The following TACC1 variants were observed in gnomAD, a reference collection of about 807,000 sequenced individuals.
TACC1 encodes the protein transforming acidic coiled-coil-containing protein 1.
In TACC1, 48 loss-of-function variants were observed where a neutral mutation model predicts 84.4. The ratio of observed to expected loss-of-function variants is 0.57; its 90% CI spans 0.45 to 0.72. The LOEUF is 0.72. TACC1 is among the 30% of genes least tolerant of loss of function. The pLI is 0.00. For synonymous variants in TACC1, 372 were observed against 376.3 expected, an observed-to-expected ratio of 0.99 and a Z score of 0.13; for missense variants, 920 against 973.0, an observed-to-expected ratio of 0.95 and a Z score of 0.72.
intron 3 of TACC1, among the ~76,000 whole-genome samples, chr8:38,770,679 G>A (rs1038056515): frequency 1.3e-5 from 2 of 152,142 alleles, no homozygotes; most frequent in Admixed American, 1.3e-4. Flanking sequence ...ATTAAAGTGT[G>A]GCGGGCTGGA....
At chr8:38,827,506 T>A in intron 5 of TACC1, 131 bp downstream of exon 5, 1 of 904,168 alleles carries the variant, frequency 1.1e-6, no homozygotes, top group Non-Finnish European at 1.7e-6. Flanking sequence ...GATGCTGACC[T>A]ATGCTTTGCT....
At chr8:38,795,683 C>G (rs1819806401) in intron 2 of TACC1, among the ~76,000 whole-genome samples, 1 of 152,142 alleles carries the variant, frequency 6.6e-6, no homozygotes, top group Non-Finnish European at 1.5e-5. Flanking sequence ...AATGGTTTAT[C>G]CACCCAAAAC....
intron 2 of TACC1, among the ~76,000 whole-genome samples, chr8:38,793,253 G>GC (rs1418264507): frequency 1.3e-5 from 2 of 152,152 alleles, no homozygotes; most frequent in African/African-American, 4.8e-5. Flanking sequence ...GATATTTACT[G>GC]CCTCAGGCCT....
In TACC1 at chr8:38,742,571, AAAT is replaced by A; in HGVS notation, c.-574+124_-574+126del. ...TATTTGGATTAAGTGTGAATGAAGG[AAAT>A]AATGATCGAGGAAAGAACAAAGAAC... On this transcript the variant is annotated intron_variant, in intron 2 of 14. Coordinates refer to the TACC1 transcript ENST00000518415. The A allele has an allele frequency of 5.5e-6, 4 of 727,986 alleles. No individual in the cohort carries two copies. In the South Asian group the frequency reaches 6.9e-5, roughly 13 times the overall value. 45.1% of individuals were successfully genotyped at this position (727,986 alleles called of 1,614,324 possible).
At chr8:38,767,042 A>G (rs1812380861) in intron 3 of TACC1, among the ~76,000 whole-genome samples, 1 of 145,576 alleles carries the variant, frequency 6.9e-6, no homozygotes, top group South Asian at 2.1e-4. Flanking sequence ...TTGCATTTAC[A>G]CAGAGCCGAC....
At chr8:38,770,980 C>T (rs1813497208) in intron 3 of TACC1, among the ~76,000 whole-genome samples, 1 of 152,130 alleles carries the variant, frequency 6.6e-6, no homozygotes. Context: ...AATGCCTCTA[C>T]CAGTTGTCAG....
At chr8:38,808,023 G>T (rs1437287216) in intron 2 of TACC1, among the ~76,000 whole-genome samples, 1 of 152,170 alleles carries the variant, frequency 6.6e-6, no homozygotes, top group Non-Finnish European at 1.5e-5. Flanking sequence ...GCAACAAATG[G>T]GCCAGAAGTG....
chr8:38,760,680 T>C (rs1050989240), intron 3 of TACC1, among the ~76,000 whole-genome samples: 5 of 152,130 alleles, frequency 3.3e-5, no homozygotes. Context: ...CATACCACCA[T>C]GCCCGGCTAG....
intron 9 of TACC1, among the ~76,000 whole-genome samples, chr8:38,841,952 C>A (rs549433612): frequency 1.3e-5 from 2 of 152,282 alleles, no homozygotes; most frequent in East Asian, 1.9e-4. Flanking sequence ...CAGCTCAGGG[C>A]CTTACCACAG....
At chr8:38,838,318 T>C (rs898003961) in intron 7 of TACC1, 152 bp from the exon 8 acceptor site, 6 of 553,234 alleles carry the variant, frequency 1.1e-5, no homozygotes, top group African/African-American at 5.7e-5. Context: ...GAATACACTT[T>C]TCCAAATGGT....
At chr8:38,833,206 T>C (rs1829601616) in intron 6 of TACC1, among the ~76,000 whole-genome samples, 1 of 152,242 alleles carries the variant, frequency 6.6e-6, no homozygotes, top group Non-Finnish European at 1.5e-5. Context: ...TTTAGCAGCC[T>C]GAAGCCATAG....
intron 2 of TACC1, among the ~76,000 whole-genome samples, chr8:38,797,138 T>A (rs1820195233): frequency 6.6e-6 from 1 of 152,238 alleles, no homozygotes; most frequent in South Asian, 2.1e-4. Flanking sequence ...CCTCACAGCA[T>A]GGCAGCTGGC....
intron 3 of TACC1, among the ~76,000 whole-genome samples, chr8:38,773,852 A>G (rs1291136034): frequency 8.5e-5 from 13 of 152,240 alleles, no homozygotes; most frequent in Admixed American, 3.3e-4. Flanking sequence ...GAGGGAAAAA[A>G]GGGTATATCT....
intron 3 of TACC1, among the ~76,000 whole-genome samples, chr8:38,748,489 A>G (rs115245947): frequency 0.012 from 1,791 of 152,284 alleles, 39 homozygotes; most frequent in African/African-American, 0.041. Flanking sequence ...GCAATAGCAA[A>G]ATGCACATTC....
At chr8:38,788,474 T>G (rs1385221877) in intron 1 of TACC1, 1 of 444,812 alleles carries the variant, frequency 2.2e-6, no homozygotes, top group Non-Finnish European at 4.0e-6. Flanking sequence ...GGAGAAAAGC[T>G]CCAGGGAATG....
At chr8:38,753,173 C>T (rs1809354192) in intron 3 of TACC1, among the ~76,000 whole-genome samples, 1 of 152,128 alleles carries the variant, frequency 6.6e-6, no homozygotes, top group Non-Finnish European at 1.5e-5. Context: ...GATCACAGCT[C>T]ATTGCAGCTT....
chr8:38,836,975 T>C (rs1830355783), intron 7 of TACC1, among the ~76,000 whole-genome samples: 1 of 152,124 alleles, frequency 6.6e-6, no homozygotes, highest in Admixed American at 6.6e-5. Context: ...TATAGTATGC[T>C]GAAAGTGGTT....
intron 3 of TACC1, among the ~76,000 whole-genome samples, chr8:38,762,268 A>G (rs1052669712): frequency 2.6e-5 from 4 of 152,212 alleles, no homozygotes; most frequent in African/African-American, 7.2e-5. Flanking sequence ...CCCATTAAAC[A>G]ATAACTTTTC....
At chr8:38,791,039 A>G (rs185212687) in intron 2 of TACC1, among the ~76,000 whole-genome samples, 3 of 152,326 alleles carry the variant, frequency 2.0e-5, no homozygotes, top group East Asian at 1.9e-4. Context: ...TCAAATTTAA[A>G]TAAAGCTCAT....
Sources: allele counts gnomAD v4.1 joint callset (sites outside exome capture counted in the v4.1 genomes callset), GRCh38; gene constraint gnomAD v4.1.1; transcripts MANE v1.5; gene names NCBI Gene and HGNC (gene_info 2026-07-23, HGNC 2026-07-21).